The following ECE1 variants were observed in gnomAD, a reference collection of about 807,000 sequenced individuals.
ECE1 encodes endothelin-converting enzyme 1.
Under a neutral mutation model 98.6 loss-of-function variants are expected in ECE1, and 35 were observed. The ratio of observed to expected loss-of-function variants is 0.35; its 90% CI spans 0.27 to 0.47. ECE1 has a LOEUF of 0.47. Ranked by LOEUF, ECE1 falls within the 20% of genes least tolerant of loss-of-function variation. ECE1 has a pLI of 1.00. For missense variants in ECE1, 814 were observed against 1,025.3 expected, an observed-to-expected ratio of 0.79 and a Z score of 2.81; for synonymous variants, 394 against 407.1, an observed-to-expected ratio of 0.97 and a Z score of 0.39.
intron 10 of ECE1, among the ~76,000 whole-genome samples, chr1:21,240,777 C>T (rs547173596): frequency 1.4e-3 from 215 of 152,166 alleles, no homozygotes; most frequent in Non-Finnish European, 2.4e-3. Context: ...GATGTCAGGA[C>T]GAGGGGGACT....
chr1:21,284,063 C>G (rs1317948351), intron 2 of ECE1, among the ~76,000 whole-genome samples: 1 of 152,184 alleles, frequency 6.6e-6, no homozygotes, highest in Admixed American at 6.5e-5. Context: ...ATGGAAAGGG[C>G]TGGGCCGTGA....
chr1:21,325,081 G>A (rs986804662), intron 1 of ECE1, among the ~76,000 whole-genome samples: 6 of 152,190 alleles, frequency 3.9e-5, no homozygotes, highest in African/African-American at 1.4e-4. Flanking sequence ...CAATAGAGGG[G>A]GGTTGAGACT....
At chr1:21,240,030 G>A (rs1206170157) in intron 10 of ECE1, among the ~76,000 whole-genome samples, 2 of 152,048 alleles carry the variant, frequency 1.3e-5, no homozygotes, top group African/African-American at 4.8e-5. Flanking sequence ...AATTAGCCAG[G>A]CGTGGTGGCA....
At position 21,258,593 on chromosome 1, in the gene ECE1, A is replaced by AAC; in HGVS notation, c.762+99_762+100insGT. 3 of 625,484 alleles carry AAC rather than the reference A, an allele frequency of 4.8e-6. No homozygotes were observed. The highest frequency in any genetic ancestry group is 8.6e-6 in the Non-Finnish European group (3 of 347,892). 38.7% of individuals were successfully genotyped at this position (625,484 alleles called of 1,614,324 possible). ...TCAGAAACTAGAAGACCGCCGTCCCACCCAGGGCAAGCCCCTCTCCCACCC... is the reference window on the plus strand; with the variant it reads ...TCAGAAACTAGAAGACCGCCGTCCCAACCCCAGGGCAAGCCCCTCTCCCACCC... On this transcript the variant is annotated intron_variant, in intron 6 of 18. Coordinates refer to ENST00000374893, the MANE Select transcript of ECE1 (RefSeq NM_001397.3). This position sits in a 1 kb window ranked among gnomAD's most constrained non-coding sequence, Gnocchi z 4.2.
chr1:21,248,463 C>T (rs548622169), intron 8 of ECE1, among the ~76,000 whole-genome samples: 3 of 152,128 alleles, frequency 2.0e-5, no homozygotes, highest in East Asian at 1.9e-4. Context: ...CATGAGCTAC[C>T]GCACCCAGCC....
intron 10 of ECE1, 22 bp downstream of exon 10, chr1:21,244,967 G>GCATA: frequency 6.2e-7 from 1 of 1,602,880 alleles, no homozygotes; most frequent in Non-Finnish European, 8.5e-7. Context: ...CCATATTCAG[G>GCATA]CATACGCAGT....
Position 21,247,075 on chromosome 1 carries a change from G to A in ECE1, c.1163+146C>T, listed in dbSNP as rs575897561. 2.5e-4 allele frequency: 291 copies of A among 1,157,436 alleles called. 2 individuals carry two copies. The East Asian group carries it at 5.5e-3, about 22-fold the overall frequency. The allele number at this position is 1,157,436 out of a possible 1,614,324, so 71.7% of individuals were successfully genotyped here. A position where few individuals can be genotyped will look rare whatever the true frequency, so the allele number is the denominator to read the frequency against. On this transcript the variant is annotated intron_variant, in intron 9 of 18. Transcript: ENST00000374893. Reference sequence around the variant, plus strand: ...GAGGCTGGGATTTAAACCTGTGCCTGTAACCAGGATGTCCTGCTGCCTCTC... The same window carrying A: ...GAGGCTGGGATTTAAACCTGTGCCTATAACCAGGATGTCCTGCTGCCTCTC...
intron 2 of ECE1, among the ~76,000 whole-genome samples, chr1:21,286,000 A>G (rs1289177425): frequency 6.6e-6 from 1 of 151,974 alleles, no homozygotes; most frequent in Non-Finnish European, 1.5e-5. Context: ...CAAAAAAAAA[A>G]AAAAAAAAGA....
Position 21,345,417 on chromosome 1 carries a change from C to A in ECE1, c.-39G>T. 7.6e-7 allele frequency: 1 copy of A among 1,320,824 alleles called. No individual in the cohort carries two copies. Among genetic ancestry groups the A allele is most frequent in the Non-Finnish European group, 9.8e-7 (1 of 1,024,736 alleles). The allele number at this position is 1,320,824 out of a possible 1,614,324, so 81.8% of individuals were successfully genotyped here. A position where few individuals can be genotyped will look rare whatever the true frequency, so the allele number is the denominator to read the frequency against. Reference sequence around the variant, plus strand: ...CGCCCCGGCTTCGCGCAGCTCCCCGCGCCCGGCTCCCGATTCCCAGCTCCG... The same window carrying A: ...CGCCCCGGCTTCGCGCAGCTCCCCGAGCCCGGCTCCCGATTCCCAGCTCCG... On this transcript the variant is annotated 5_prime_UTR_variant, in exon 1 of 19. Transcript: ENST00000415912. This position sits in a 1 kb window ranked among gnomAD's most constrained non-coding sequence, Gnocchi z 5.1.
chr1:21,220,931 C>A lies in ECE1; in HGVS notation c.2137-800G>T, dbSNP rs1030267997. Among the ~76,000 whole-genome samples the A allele has an allele frequency of 9.9e-5, 15 of 152,146 alleles. No homozygotes were observed. The highest frequency in any genetic ancestry group is 2.1e-4 in the Non-Finnish European group (14 of 68,036). On this transcript the variant is annotated intron_variant, in intron 18 of 18. Transcript: ENST00000374893. This position sits in a 1 kb window ranked among gnomAD's most constrained non-coding sequence, Gnocchi z 5.0. ...GGCTGGTGTAGGGCTGGTGTGCCAC[C>A]CCCCATGCCAGCAGCCTCTAACGCA... is the stretch of plus-strand genomic sequence containing the variant.
At chr1:21,335,708 G>C (rs766587859) in intron 1 of ECE1, among the ~76,000 whole-genome samples, 21 of 152,232 alleles carry the variant, frequency 1.4e-4, no homozygotes, top group Non-Finnish European at 2.5e-4. Context: ...CCTTCTGCAA[G>C]CTACAGGCCA....
At chr1:21,262,234 C>T (rs747185474) in intron 4 of ECE1, among the ~76,000 whole-genome samples, 6 of 152,244 alleles carry the variant, frequency 3.9e-5, no homozygotes, top group South Asian at 4.1e-4. Flanking sequence ...ATGGAGGGTT[C>T]GTACAGCCCT....
At chr1:21,257,008 G>A (rs1246153009) in intron 7 of ECE1, among the ~76,000 whole-genome samples, 2 of 152,062 alleles carry the variant, frequency 1.3e-5, no homozygotes, top group Admixed American at 6.6e-5. Flanking sequence ...GCCCCAAGAG[G>A]CATCACAAGA....
intron 1 of ECE1, among the ~76,000 whole-genome samples, chr1:21,305,694 G>A (rs12747397): frequency 0.068 from 10,358 of 152,232 alleles, 485 homozygotes; most frequent in Middle Eastern, 0.14. Flanking sequence ...TGGAAAGGGC[G>A]GGTACGGGTG....
chr1:21,244,889 C>A, intron 10 of ECE1, 100 bp downstream of exon 10: 1 of 1,148,012 alleles, frequency 8.7e-7, no homozygotes. Context: ...AGCTTCTACC[C>A]ACCCCCAGCT....
In ECE1 at chr1:21,270,653, G is replaced by C. The variant is rs868190617; in HGVS notation, c.493+2046C>G. ...CAAATGCTGTGCAAAGGTCAAGGGT[G>C]AATAACAGTAGCATCAATACAAACA... On this transcript the variant is annotated intron_variant, in intron 4 of 18. Transcript: ENST00000374893. Among the ~76,000 whole-genome samples, 21 of 152,320 alleles carry C rather than the reference G, an allele frequency of 1.4e-4. 1 individual carries two copies. The Middle Eastern group carries it at 0.031, about 222-fold the overall frequency.
rs939482429 is a variant in ECE1, at chr1:21,225,495, T to C, written c.1850-55A>G. The C allele has an allele frequency of 1.3e-6, 2 of 1,581,840 alleles. No homozygotes were observed. The highest frequency in any genetic ancestry group is 2.7e-5 in the African/African-American group (2 of 74,128). ...GGGAGGGAGGGGCACAGCAGGGACC[T>C]GCTGCTCCTCCCTGCTCCTGGTGAG... On this transcript the variant is annotated intron_variant, in intron 16 of 18. Coordinates refer to ENST00000374893, the MANE Select transcript of ECE1 (RefSeq NM_001397.3). This position sits in a 1 kb window ranked among gnomAD's most constrained non-coding sequence, Gnocchi z 5.3.
At chr1:21,226,649 C>T (rs966415123) in intron 16 of ECE1, among the ~76,000 whole-genome samples, 7 of 152,196 alleles carry the variant, frequency 4.6e-5, no homozygotes, top group Non-Finnish European at 8.8e-5. Flanking sequence ...CCCACCTCAG[C>T]CTCCCAAGTA....
chr1:21,282,034 C>A (rs1172864359), intron 2 of ECE1, among the ~76,000 whole-genome samples: 1 of 152,156 alleles, frequency 6.6e-6, no homozygotes, highest in African/African-American at 2.4e-5. Flanking sequence ...TGCCTATAAT[C>A]TCAACACTTT....
Sources: allele counts gnomAD v4.1 joint callset (sites outside exome capture counted in the v4.1 genomes callset), GRCh38; gene constraint gnomAD v4.1.1; non-coding constraint Gnocchi (gnomAD v3.1); transcripts MANE v1.5; gene names NCBI Gene and HGNC (gene_info 2026-07-23, HGNC 2026-07-21).